Variants in MYOM2 observed in about 807,000 individuals in gnomAD.
MYOM2 encodes myomesin-2.
In MYOM2, 254 loss-of-function variants were observed where a neutral mutation model predicts 187.6. The observed-to-expected ratio is 1.35, with a 90% CI of 1.22 to 1.50. MYOM2 has a LOEUF of 1.50. Among genes scored for constraint, MYOM2 ranks in the 40% most tolerant of loss-of-function variants. The probability of loss-of-function intolerance (pLI) is 0.00; values close to 1 mark genes in which losing one functional copy is unlikely to be tolerated. For missense variants in MYOM2, 2,796 were observed against 1,924.0 expected (o/e 1.45, Z -8.48); for synonymous variants, 981 against 753.8 (o/e 1.30, Z -4.94).
At chr8:2,102,632 C>T (rs745577735) in intron 20 of MYOM2, 35 bp from the exon 21 acceptor site, 9 of 1,436,662 alleles carry the variant, frequency 6.3e-6, no homozygotes, top group Non-Finnish European at 8.8e-6. Context: ...TTTATTTTAC[C>T]TCCACACATC....
intron 5 of MYOM2, 114 bp downstream of exon 5, chr8:2,057,894 A>C (rs1818724197): frequency 9.3e-7 from 1 of 1,074,024 alleles, no homozygotes; most frequent in South Asian, 1.8e-5. Context: ...ACTTACCTTG[A>C]AACTCTAAGC....
intron 2 of MYOM2, 108 bp downstream of exon 2, chr8:2,050,981 A>G: frequency 1.2e-6 from 1 of 824,576 alleles, no homozygotes; most frequent in Non-Finnish European, 2.0e-6. Context: ...GTTTGCAGGG[A>G]GTCAGAGAGC....
chr8:2,116,991 C>A (rs1290591185), intron 27 of MYOM2, among the ~76,000 whole-genome samples: 1 of 152,224 alleles, frequency 6.6e-6, no homozygotes, highest in African/African-American at 2.4e-5. Context: ...TCTCGATCTC[C>A]TGACCTCGTG....
intron 34 of MYOM2, 114 bp from the exon 35 acceptor site, chr8:2,142,261 A>T: frequency 2.0e-6 from 2 of 996,144 alleles, no homozygotes; most frequent in Non-Finnish European, 3.2e-6. Context: ...ATGCAAACGT[A>T]TCTCCTTCTT....
intron 5 of MYOM2, among the ~76,000 whole-genome samples, chr8:2,058,356 A>G (rs557048541): frequency 6.6e-6 from 1 of 152,100 alleles, no homozygotes; most frequent in Non-Finnish European, 1.5e-5. Context: ...TGAAATGATC[A>G]TGGCTGTTGT....
chr8:2,095,823 C>G (rs910903374), intron 17 of MYOM2, among the ~76,000 whole-genome samples: 1 of 152,160 alleles, frequency 6.6e-6, no homozygotes, highest in Non-Finnish European at 1.5e-5. Context: ...GAAATTAAAA[C>G]AAACTGGAAT....
At chr8:2,103,441 G>A (rs1796783682) in intron 21 of MYOM2, among the ~76,000 whole-genome samples, 1 of 151,190 alleles carries the variant, frequency 6.6e-6, no homozygotes, top group Admixed American at 6.6e-5. Context: ...GGATAAATGA[G>A]TGGGAGAGTG....
intron 6 of MYOM2, among the ~76,000 whole-genome samples, chr8:2,065,429 G>T (rs1170997300): frequency 6.6e-6 from 1 of 152,154 alleles, no homozygotes; most frequent in Non-Finnish European, 1.5e-5. Flanking sequence ...AATTAGCTGG[G>T]TGTGGTGGTG....
At chr8:2,073,306 G>C (rs1297599262) in intron 9 of MYOM2, 33 bp from the exon 10 acceptor site, 1 of 1,581,472 alleles carries the variant, frequency 6.3e-7, no homozygotes, top group Non-Finnish European at 8.6e-7. Context: ...GGGTGATTTT[G>C]GATGCAAACC....
intron 28 of MYOM2, among the ~76,000 whole-genome samples, chr8:2,120,689 A>ATATATATATAATTATATATTTATAATAT: frequency 2.4e-5 from 1 of 42,416 alleles, no homozygotes; most frequent in African/African-American, 7.5e-5. Context: ...ATTATATATA[A>ATATATATATAATTATATATTTATAATAT]ATATATAATA....
chr8:2,094,158 A>G lies in MYOM2; in HGVS notation c.2125+67A>G, dbSNP rs550034960. On this transcript the variant is annotated intron_variant, in intron 17 of 36. Coordinates refer to ENST00000262113, the MANE Select transcript of MYOM2 (RefSeq NM_003970.4). ...CACTGTCATTTCTGCATGAATAAAC[A>G]TTTGTGATGCCATTTGGAATGTCAT... 120 of 1,572,014 alleles carry G rather than the reference A, an allele frequency of 7.6e-5. No homozygotes were observed. In the Admixed American group the frequency reaches 1.1e-3, roughly 14 times the overall value.
chr8:2,046,455 C>T lies in MYOM2; in HGVS notation c.-13+1287C>T, dbSNP rs537191505. On this transcript the variant is annotated intron_variant, in intron 1 of 36. Transcript: ENST00000262113. The stretch of plus-strand genomic sequence containing the variant: ...AGGAGAGTCAGCTGGCGCCTGGGTT[C>T]GGCCGTGGCCCTACCGGTGACCCGG... Among the ~76,000 whole-genome samples, 16 of 152,290 alleles carry T rather than the reference C, an allele frequency of 1.1e-4. No individual in the cohort carries two copies. In the South Asian group the frequency reaches 1.7e-3, roughly 16 times the overall value.
intron 25 of MYOM2, among the ~76,000 whole-genome samples, chr8:2,109,873 A>G (rs577841873): frequency 1.2e-4 from 19 of 152,232 alleles, no homozygotes; most frequent in Non-Finnish European, 7.3e-5. Context: ...GAAGGTATCT[A>G]TTTTTTGCTG....
At chr8:2,123,868 C>T (rs993626311) in intron 30 of MYOM2, among the ~76,000 whole-genome samples, 6 of 152,156 alleles carry the variant, frequency 3.9e-5, no homozygotes, top group East Asian at 1.9e-4. Context: ...AACGTCATTT[C>T]GGTCCATCAT....
At position 2,123,645 on chromosome 8, in the gene MYOM2, A is replaced by G; in HGVS notation, c.3655+3A>G. 1.2e-6 allele frequency: 2 copies of G among 1,613,180 alleles called. No homozygotes were observed. Among genetic ancestry groups the G allele is most frequent in the African/African-American group, 1.3e-5 (1 of 75,038 alleles). ...CATCCTTGAAATAGCTGGCAAAGGT[A>G]AAAGAAAACCTCCTTTGTTCTGTGA... On this transcript the variant is annotated splice_donor_region_variant and intron_variant, in intron 30 of 36. Coordinates refer to ENST00000262113, the MANE Select transcript of MYOM2 (RefSeq NM_003970.4).
rs537535772 is a variant in MYOM2 at position 2,102,376 on chromosome 8, C to G, written c.2620-291C>G. ...CACAGAATTATGTTAAATATAAACA[C>G]CAGATTATAAACTAGTCAGTATGAT... On this transcript the variant is annotated intron_variant, in intron 20 of 36. Coordinates refer to ENST00000262113, the MANE Select transcript of MYOM2 (RefSeq NM_003970.4). 7 of 302,922 alleles carry G rather than the reference C, an allele frequency of 2.3e-5. No individual in the cohort carries two copies. In the South Asian group the frequency reaches 6.4e-4, roughly 28 times the overall value. 18.8% of individuals were successfully genotyped at this position (302,922 alleles called of 1,614,324 possible).
intron 13 of MYOM2, among the ~76,000 whole-genome samples, chr8:2,081,360 A>G (rs974182195): frequency 0.42 from 4,995 of 11,824 alleles, 2,110 homozygotes; most frequent in Non-Finnish European, 0.53. Context: ...AGCCCAGCCC[A>G]TGTAGAATGA....
intron 20 of MYOM2, 104 bp from the exon 21 acceptor site, chr8:2,102,563 A>C: frequency 3.2e-6 from 2 of 621,106 alleles, no homozygotes; most frequent in Non-Finnish European, 5.5e-6. Context: ...AACTGGAAAA[A>C]TAAGCTATTT....
At chr8:2,110,881 G>T (rs1051364255) in intron 25 of MYOM2, among the ~76,000 whole-genome samples, 13 of 152,174 alleles carry the variant, frequency 8.5e-5, no homozygotes, top group Admixed American at 2.0e-4. Context: ...TCTCCAGTCA[G>T]TCTTTCCCAT....
Sources: gnomAD v4.1 joint callset for allele counts (sites outside exome capture counted in the v4.1 genomes callset) on GRCh38, gnomAD v4.1.1 for gene constraint, MANE v1.5 for transcripts, NCBI Gene and HGNC (gene_info 2026-07-23, HGNC 2026-07-21) for gene names.